The following RBFOX1 variants were observed in gnomAD, a reference collection of about 807,000 sequenced individuals.
RBFOX1 encodes RNA binding protein fox-1 homolog 1.
Under a neutral mutation model 57.7 loss-of-function variants are expected in RBFOX1, and 8 were observed. The ratio of observed to expected loss-of-function variants is 0.14; its 90% confidence interval spans 0.08 to 0.25. The LOEUF (loss-of-function observed/expected upper bound fraction) is 0.25. Among genes scored for constraint, RBFOX1 ranks in the 10% least tolerant of loss-of-function variants. RBFOX1 has a pLI of 1.00. For missense variants in RBFOX1, 611 were observed against 548.5 expected (o/e 1.11, Z -1.14); for synonymous variants, 326 against 222.4 (o/e 1.47, Z -4.15).
chr16:7,347,573 T>G (rs1411445078), intron 4 of RBFOX1, among the ~76,000 whole-genome samples: 1 of 152,226 alleles, frequency 6.6e-6, no homozygotes, highest in African/African-American at 2.4e-5. Context: ...AGTGGACACC[T>G]GGAATTATCG....
At chr16:6,614,474 G>A (rs190386509) in intron 2 of RBFOX1, among the ~76,000 whole-genome samples, 88 of 152,316 alleles carry the variant, frequency 5.8e-4, no homozygotes, top group African/African-American at 2.0e-3. Flanking sequence ...TACCGGGACA[G>A]GACAAACCAA....
chr16:7,602,971 T>C (rs911180073), intron 9 of RBFOX1, among the ~76,000 whole-genome samples: 1 of 152,194 alleles, frequency 6.6e-6, no homozygotes, highest in Admixed American at 6.5e-5. Context: ...AATTCAACAG[T>C]GTGCTCCTGA....
intron 1 of RBFOX1, among the ~76,000 whole-genome samples, chr16:6,180,897 T>G (rs1168397587): frequency 3.9e-5 from 6 of 152,088 alleles, no homozygotes; most frequent in Non-Finnish European, 7.4e-5. Flanking sequence ...TTCTGAAAGT[T>G]TTTATATTAT....
chr16:6,603,777 A>G (rs1978318), intron 2 of RBFOX1, among the ~76,000 whole-genome samples: 148,253 of 152,286 alleles, frequency 0.97, 72,284 homozygotes, highest in East Asian at 1. Context: ...TTAACATCTG[A>G]ATCATTGGCT....
chr16:7,019,301 T>C (rs879490359), intron 3 of RBFOX1, among the ~76,000 whole-genome samples: 2 of 152,122 alleles, frequency 1.3e-5, no homozygotes, highest in Non-Finnish European at 2.9e-5. Context: ...TGCTGATGTT[T>C]AGGATGAAAA....
chr16:6,476,581 T>C (rs2095276009), intron 2 of RBFOX1, among the ~76,000 whole-genome samples: 1 of 152,212 alleles, frequency 6.6e-6, no homozygotes, highest in Admixed American at 6.5e-5. Context: ...CCAACAATCA[T>C]CTGAGCCTTT....
intron 1 of RBFOX1, among the ~76,000 whole-genome samples, chr16:5,244,233 C>T (rs1794558304): frequency 6.6e-6 from 1 of 152,214 alleles, no homozygotes; most frequent in Admixed American, 6.5e-5. Flanking sequence ...GCACAAAATA[C>T]TTGGGCAATA....
At chr16:6,279,352 G>A (rs770680901) in intron 1 of RBFOX1, among the ~76,000 whole-genome samples, 15 of 152,168 alleles carry the variant, frequency 9.9e-5, no homozygotes, top group Non-Finnish European at 1.0e-4. Flanking sequence ...GGCTGGTGGT[G>A]AAAACCCTTT....
intron 5 of RBFOX1, among the ~76,000 whole-genome samples, chr16:7,570,270 T>G (rs5028447): frequency 0.39 from 58,854 of 151,850 alleles, 11,791 homozygotes; most frequent in South Asian, 0.53. Flanking sequence ...ACCAGCATCC[T>G]TGAGCTATAT....
At chr16:5,569,109 C>G (rs1048456749) in intron 2 of RBFOX1, among the ~76,000 whole-genome samples, 2 of 151,848 alleles carry the variant, frequency 1.3e-5, no homozygotes, top group African/African-American at 4.8e-5. Context: ...CTTGGTCTCC[C>G]AAAGTGCTGG....
chr16:7,055,651 C>G (rs2051926639), intron 4 of RBFOX1, among the ~76,000 whole-genome samples: 1 of 152,128 alleles, frequency 6.6e-6, no homozygotes, highest in Admixed American at 6.5e-5. Context: ...CTACATCAAT[C>G]ACTGGCAAGG....
At chr16:5,341,901 C>T (rs180790466) in intron 1 of RBFOX1, among the ~76,000 whole-genome samples, 13 of 152,230 alleles carry the variant, frequency 8.5e-5, no homozygotes, top group South Asian at 8.3e-4. Flanking sequence ...AGTGTTCAGA[C>T]GGGAAGCCTC....
At chr16:6,915,238 G>T (rs893461953) in intron 3 of RBFOX1, among the ~76,000 whole-genome samples, 1 of 152,136 alleles carries the variant, frequency 6.6e-6, no homozygotes, top group African/African-American at 2.4e-5. Flanking sequence ...GATGAAGCCT[G>T]TGGTCCTCAG....
chr16:7,292,403 ATGTAT>A (rs922395765), intron 4 of RBFOX1, among the ~76,000 whole-genome samples: 31 of 141,550 alleles, frequency 2.2e-4, no homozygotes, highest in Middle Eastern at 7.8e-3. Context: ...ATAATATGTA[ATGTAT>A]TATATTATAT....
chr16:5,957,648 A>G (rs538476945), intron 4 of RBFOX1, among the ~76,000 whole-genome samples: 180 of 152,068 alleles, frequency 1.2e-3, no homozygotes, highest in African/African-American at 4.2e-3. Context: ...GCCTCGTTTT[A>G]TTTTTCATTA....
intron 2 of RBFOX1, among the ~76,000 whole-genome samples, chr16:5,546,195 C>T (rs56960161): frequency 0.058 from 8,823 of 152,058 alleles, 266 homozygotes; most frequent in East Asian, 0.1. Context: ...AATGGAGAGA[C>T]GATTACAAGT....
intron 4 of RBFOX1, among the ~76,000 whole-genome samples, chr16:7,214,228 G>T (rs1302213032): frequency 6.6e-6 from 1 of 152,126 alleles, no homozygotes; most frequent in African/African-American, 2.4e-5. Context: ...AATTTTCTGT[G>T]AAGTGTTTTT....
intron 1 of RBFOX1, among the ~76,000 whole-genome samples, chr16:5,355,292 C>G (rs1046339536): frequency 2.0e-5 from 3 of 152,172 alleles, no homozygotes; most frequent in African/African-American, 7.2e-5. Flanking sequence ...GGTTTCACAA[C>G]TGAACGCAGG....
At chr16:7,694,382 A>G (rs1040088681) in intron 14 of RBFOX1, among the ~76,000 whole-genome samples, 5 of 152,218 alleles carry the variant, frequency 3.3e-5, no homozygotes, top group African/African-American at 7.2e-5. Context: ...CTTTGGTGAG[A>G]ATGAATGAAT....
Sources: gnomAD v4.1 joint callset for allele counts (sites outside exome capture counted in the v4.1 genomes callset) on GRCh38, gnomAD v4.1.1 for gene constraint, MANE v1.5 for transcripts, NCBI Gene and HGNC (gene_info 2026-07-23, HGNC 2026-07-21) for gene names.